FKBP5: variants seen among roughly 807,000 people sequenced by gnomAD.
FKBP5 encodes the protein peptidyl-prolyl cis-trans isomerase FKBP5.
A neutral mutation model predicts 50.5 loss-of-function variants in FKBP5; 23 were observed. That is an observed-to-expected ratio of 0.46 (90% confidence interval 0.33 to 0.65). The LOEUF is 0.65. Among genes scored for constraint, FKBP5 ranks in the 30% least tolerant of loss-of-function variants. The probability of loss-of-function intolerance (pLI) is 0.02; values close to 1 mark genes in which losing one functional copy is unlikely to be tolerated. For missense variants in FKBP5, 411 were observed against 553.1 expected (o/e 0.74, Z 2.58); for synonymous variants, 176 against 190.6 (o/e 0.92, Z 0.63).
intron 1 of FKBP5, among the ~76,000 whole-genome samples, chr6:35,724,046 G>A (rs181260815): frequency 1.3e-5 from 2 of 152,368 alleles, no homozygotes; most frequent in Non-Finnish European, 2.9e-5. Flanking sequence ...ATCATACTGA[G>A]TTAAGGCAGG....
At chr6:35,703,397 T>A (rs1358366973) in intron 2 of FKBP5, among the ~76,000 whole-genome samples, 3 of 151,950 alleles carry the variant, frequency 2.0e-5, no homozygotes, top group Admixed American at 2.0e-4. Flanking sequence ...CAACAGAACA[T>A]GACTCCATCT....
chr6:35,591,734 G>C (rs1762827464), intron 6 of FKBP5, among the ~76,000 whole-genome samples: 2 of 152,142 alleles, frequency 1.3e-5, no homozygotes, highest in Admixed American at 6.5e-5. Flanking sequence ...AAGTGAAGGG[G>C]AAAGGCTCAC....
intron 2 of FKBP5, among the ~76,000 whole-genome samples, chr6:35,641,669 G>T (rs1001540273): frequency 6.6e-6 from 1 of 152,150 alleles, no homozygotes; most frequent in African/African-American, 2.4e-5. Flanking sequence ...AATCGCAAAA[G>T]ATATCTTCAC....
intron 1 of FKBP5, among the ~76,000 whole-genome samples, chr6:35,684,181 CTTT>C (rs1057487502): frequency 5.6e-5 from 8 of 143,678 alleles, no homozygotes; most frequent in Admixed American, 1.4e-4. Flanking sequence ...GTAATTGTAT[CTTT>C]TTTTTTTTTT....
At chr6:35,595,146 C>A (rs375399159) in intron 6 of FKBP5, among the ~76,000 whole-genome samples, 1 of 152,132 alleles carries the variant, frequency 6.6e-6, no homozygotes, top group Non-Finnish European at 1.5e-5. Context: ...CTTGGCCAAG[C>A]GCACAGAGCA....
chr6:35,712,757 C>T (rs1766436582), intron 2 of FKBP5, among the ~76,000 whole-genome samples: 1 of 152,166 alleles, frequency 6.6e-6, no homozygotes, highest in African/African-American at 2.4e-5. Context: ...TGCTGAGGCA[C>T]CAGTGCCTTG....
At chr6:35,603,160 CATT>C (rs1260553529) in intron 5 of FKBP5, among the ~76,000 whole-genome samples, 1 of 152,184 alleles carries the variant, frequency 6.6e-6, no homozygotes, top group Non-Finnish European at 1.5e-5. Flanking sequence ...TTCATTCATT[CATT>C]CATTCATATG....
intron 2 of FKBP5, among the ~76,000 whole-genome samples, chr6:35,701,233 G>T (rs541665267): frequency 2.7e-3 from 394 of 147,612 alleles, no homozygotes; most frequent in South Asian, 8.4e-3. Context: ...GTTTGTTTTT[G>T]TTTTTTGTTT....
chr6:35,607,786 C>T (rs757203817), intron 5 of FKBP5: 11 of 222,762 alleles, frequency 4.9e-5, no homozygotes, highest in African/African-American at 1.4e-4. Context: ...TCACCCCATA[C>T]GAGCGGTGCA....
chr6:35,656,098 C>T (rs952693878), intron 1 of FKBP5, among the ~76,000 whole-genome samples: 1 of 152,222 alleles, frequency 6.6e-6, no homozygotes, highest in African/African-American at 2.4e-5. Flanking sequence ...AGTACTAGCT[C>T]ATTAAAACAC....
At chr6:35,608,549 G>A (rs1188241071) in intron 5 of FKBP5, among the ~76,000 whole-genome samples, 3 of 152,056 alleles carry the variant, frequency 2.0e-5, no homozygotes, top group Admixed American at 6.6e-5. Flanking sequence ...AAAAAAGTTA[G>A]CTGGGTGTGC....
At chr6:35,703,847 G>A (rs1421764564) in intron 2 of FKBP5, among the ~76,000 whole-genome samples, 2 of 152,204 alleles carry the variant, frequency 1.3e-5, no homozygotes, top group Admixed American at 1.3e-4. Flanking sequence ...GGGTTGTAAG[G>A]TCAAGTTCCT....
Position 35,575,797 on chromosome 6 carries a change from G to A in FKBP5, c.*38C>T. On this transcript the variant is annotated 3_prime_UTR_variant, in exon 11 of 11. Coordinates refer to ENST00000357266, the MANE Select transcript of FKBP5 (RefSeq NM_004117.4). ...TTGGGGGAAAGCCCATTGAGGAGGGGCCGAGTTCACTGGGACTCTTCCCTC... is the reference window on the plus strand; with the variant it reads ...TTGGGGGAAAGCCCATTGAGGAGGGACCGAGTTCACTGGGACTCTTCCCTC... The A allele has an allele frequency of 7.6e-7, 1 of 1,323,370 alleles. No individual in the cohort carries two copies. Among genetic ancestry groups the A allele is most frequent in the Non-Finnish European group, 1.1e-6 (1 of 914,508 alleles). The allele number at this position is 1,323,370 out of a possible 1,614,324, so 82.0% of individuals were successfully genotyped here.
intron 5 of FKBP5, among the ~76,000 whole-genome samples, chr6:35,601,919 A>C (rs923900273): frequency 6.6e-6 from 1 of 152,128 alleles, no homozygotes; most frequent in African/African-American, 2.4e-5. Flanking sequence ...AGGGGGAGGG[A>C]GGTCCTCCAA....
At position 35,583,751 on chromosome 6, in the gene FKBP5, G is replaced by A. The variant is rs970193556; in HGVS notation, c.840+3283C>T. ...TCCCACTCCAAATGTTGATAGTACT[G>A]AGGTTGAAAAATTCTGCACTAAAGG... On this transcript the variant is annotated intron_variant, in intron 8 of 10. Transcript: ENST00000357266. The A allele has an allele frequency of 1.1e-5, 11 of 982,856 alleles. No homozygotes were observed. In the South Asian group the frequency reaches 3.8e-4, roughly 34 times the overall value. 60.9% of individuals were successfully genotyped at this position (982,856 alleles called of 1,614,324 possible).
intron 2 of FKBP5, among the ~76,000 whole-genome samples, chr6:35,699,815 T>C (rs1487187369): frequency 6.6e-6 from 1 of 152,078 alleles, no homozygotes; most frequent in Non-Finnish European, 1.5e-5. Context: ...GGGAGGCCGA[T>C]GCGGGCAGAT....
intron 1 of FKBP5, among the ~76,000 whole-genome samples, chr6:35,722,544 G>C (rs1213823458): frequency 6.6e-6 from 1 of 152,108 alleles, no homozygotes; most frequent in African/African-American, 2.4e-5. Flanking sequence ...TGGAACACGA[G>C]GTTCTGCACC....
At chr6:35,692,249 A>T (rs1047676010), upstream of FKBP5, among the ~76,000 whole-genome samples, 3 of 152,140 alleles carry the variant, frequency 2.0e-5, no homozygotes, top group African/African-American at 7.2e-5. Flanking sequence ...TAAACTGTCA[A>T]GATTGCAGGT....
At chr6:35,718,313 A>G (rs1389157488) in intron 2 of FKBP5, among the ~76,000 whole-genome samples, 7 of 152,228 alleles carry the variant, frequency 4.6e-5, no homozygotes, top group Non-Finnish European at 8.8e-5. Context: ...TGTTCATGGA[A>G]GAAAGCTGAG....
Sources: allele counts gnomAD v4.1 joint callset (sites outside exome capture counted in the v4.1 genomes callset), GRCh38; gene constraint gnomAD v4.1.1; transcripts MANE v1.5; gene names NCBI Gene and HGNC (gene_info 2026-07-23, HGNC 2026-07-21).